Variants in WDFY4 observed in about 807,000 individuals in gnomAD.
WDFY4 encodes WDFY family member 4.
A neutral mutation model predicts 351.9 loss-of-function variants in WDFY4; 169 were observed. That is an observed-to-expected ratio of 0.48 (90% CI 0.42 to 0.55). WDFY4 has a LOEUF of 0.55. WDFY4 is among the 20% of genes least tolerant of loss of function. The pLI, the probability that WDFY4 is intolerant of heterozygous loss-of-function variation, is 0.00. For missense variants in WDFY4, 3,803 were observed against 3,935.6 expected (o/e 0.97, Z 0.90); for synonymous variants, 1,622 against 1,574.6 (o/e 1.03, Z -0.71).
At chr10:48,780,513 C>T (rs879902218) in intron 19 of WDFY4, among the ~76,000 whole-genome samples, 6 of 152,188 alleles carry the variant, frequency 3.9e-5, no homozygotes, top group Non-Finnish European at 7.3e-5. Flanking sequence ...GTGAGGCCAA[C>T]GCAGCTCATC....
At chr10:48,820,565 A>G (rs1272757958) in intron 33 of WDFY4, 128 bp downstream of exon 33, 1 of 1,042,738 alleles carries the variant, frequency 9.6e-7, no homozygotes, top group Non-Finnish European at 1.4e-6. Flanking sequence ...GGAATCTGTG[A>G]ACCATGGGCC....
intron 12 of WDFY4, among the ~76,000 whole-genome samples, chr10:48,748,145 A>G (rs954166840): frequency 6.6e-6 from 1 of 152,220 alleles, no homozygotes; most frequent in African/African-American, 2.4e-5. Flanking sequence ...CTTGGTGTGG[A>G]AACTTGTTTG....
intron 49 of WDFY4, 144 bp downstream of exon 49, chr10:48,943,593 G>T: frequency 1.2e-6 from 1 of 861,618 alleles, no homozygotes; most frequent in Non-Finnish European, 1.7e-6. Flanking sequence ...CTGAAGCTCA[G>T]ATCTCTTTTT....
At chr10:48,770,174 A>AT (rs1254397288) in intron 13 of WDFY4, among the ~76,000 whole-genome samples, 4 of 152,172 alleles carry the variant, frequency 2.6e-5, no homozygotes, top group African/African-American at 7.2e-5. Flanking sequence ...AGGACGATCA[A>AT]TTTTCTCTCC....
At chr10:48,814,495 C>T (rs926288741) in intron 31 of WDFY4, among the ~76,000 whole-genome samples, 2 of 152,228 alleles carry the variant, frequency 1.3e-5, no homozygotes, top group South Asian at 2.1e-4. Context: ...ATGGAGTCTT[C>T]GGGAGTGAGA....
chr10:48,850,077 G>A (rs2068906485), intron 39 of WDFY4, among the ~76,000 whole-genome samples: 1 of 152,110 alleles, frequency 6.6e-6, no homozygotes, highest in African/African-American at 2.4e-5. Flanking sequence ...TGATATCAGG[G>A]GATACACGAT....
intron 13 of WDFY4, among the ~76,000 whole-genome samples, chr10:48,771,963 G>T (rs1198746176): frequency 6.6e-6 from 1 of 152,194 alleles, no homozygotes; most frequent in Non-Finnish European, 1.5e-5. Context: ...GATTATTCAG[G>T]TAGTGCATTC....
chr10:48,834,666 T>C (rs1162160075), intron 39 of WDFY4, among the ~76,000 whole-genome samples: 3 of 152,214 alleles, frequency 2.0e-5, no homozygotes, highest in Admixed American at 6.5e-5. Context: ...ATGGAGCTTC[T>C]CTTCCTTGGC....
chr10:48,959,946 G>GTATA, intron 53 of WDFY4, 133 bp downstream of exon 53: 1 of 822,060 alleles, frequency 1.2e-6, no homozygotes, highest in Non-Finnish European at 1.9e-6. Flanking sequence ...CCCAGAGAAG[G>GTATA]GATGGGGTCT....
chr10:48,822,525 G>A lies in WDFY4; in HGVS notation c.5970G>A (p.Glu1990=). 1.9e-6 allele frequency: 3 copies of A among 1,544,426 alleles called. No homozygotes were observed. The highest frequency in any genetic ancestry group is 2.6e-6 in the Non-Finnish European group (3 of 1,142,670). The change falls in exon 35 of 62, where the codon GAG becomes GAA. Residue 1990 remains glutamate, a synonymous_variant. Coordinates refer to ENST00000325239, the MANE Select transcript of WDFY4 (RefSeq NM_001394531.1). ...DPRHILLFIL[E]HIMVVIETAS... is the part of the protein sequence containing the mutation. Reference sequence around the variant, plus strand: ...GGCATATCCTCCTCTTCATCCTGGAGCACATCATGGTGGTAAGAGCTGCTC... The same window carrying A: ...GGCATATCCTCCTCTTCATCCTGGAACACATCATGGTGGTAAGAGCTGCTC...
intron 39 of WDFY4, among the ~76,000 whole-genome samples, chr10:48,843,645 G>A (rs2068680242): frequency 6.6e-6 from 1 of 152,142 alleles, no homozygotes; most frequent in South Asian, 2.1e-4. Context: ...CAACTTAAAG[G>A]AATACTGGGT....
At chr10:48,872,275 A>G (rs371706293) in intron 40 of WDFY4, among the ~76,000 whole-genome samples, 3 of 152,362 alleles carry the variant, frequency 2.0e-5, no homozygotes, top group African/African-American at 7.2e-5. Context: ...CACTCATAAA[A>G]TAATAGCCCC....
intron 57 of WDFY4, among the ~76,000 whole-genome samples, chr10:48,971,906 C>A (rs1395306044): frequency 6.6e-6 from 1 of 152,212 alleles, no homozygotes; most frequent in Non-Finnish European, 1.5e-5. Flanking sequence ...CTCTCCCCAG[C>A]ATCCCCATTG....
intron 39 of WDFY4, among the ~76,000 whole-genome samples, chr10:48,863,674 G>A (rs891239455): frequency 3.3e-5 from 5 of 150,804 alleles, no homozygotes; most frequent in East Asian, 3.9e-4. Flanking sequence ...AGTGTCTTTC[G>A]AAGCACAAAT....
chr10:48,912,077 T>C (rs1838058201), intron 47 of WDFY4, among the ~76,000 whole-genome samples: 1 of 152,214 alleles, frequency 6.6e-6, no homozygotes, highest in Non-Finnish European at 1.5e-5. Context: ...TCCCTCAAGG[T>C]ATCATTCTTG....
intron 47 of WDFY4, chr10:48,913,880 A>G (rs1197077462): frequency 6.2e-7 from 1 of 1,614,014 alleles, no homozygotes; most frequent in African/African-American, 1.3e-5. Context: ...TCATCTGGCC[A>G]ATGGACTCAG....
At chr10:48,695,519 GC>G (rs2063308547) in intron 1 of WDFY4, among the ~76,000 whole-genome samples, 1 of 152,250 alleles carries the variant, frequency 6.6e-6, no homozygotes, top group East Asian at 1.9e-4. Flanking sequence ...TCTGAGTCTC[GC>G]TTTACCCATC....
At chr10:48,821,687 T>C (rs2132996739) in intron 34 of WDFY4, among the ~76,000 whole-genome samples, 1 of 152,358 alleles carries the variant, frequency 6.6e-6, no homozygotes, top group Non-Finnish European at 1.5e-5. Flanking sequence ...GCCTTTTCTG[T>C]GGTTCCCAAG....
intron 19 of WDFY4, among the ~76,000 whole-genome samples, chr10:48,782,781 T>A (rs2066270702): frequency 1.3e-5 from 2 of 152,210 alleles, no homozygotes; most frequent in Non-Finnish European, 2.9e-5. Flanking sequence ...TACATAAATT[T>A]GTAAAGATAT....
Sources: gnomAD v4.1 joint callset for allele counts (sites outside exome capture counted in the v4.1 genomes callset) on GRCh38, gnomAD v4.1.1 for gene constraint, MANE v1.5 for transcripts, NCBI Gene and HGNC (gene_info 2026-07-23, HGNC 2026-07-21) for gene names.